Variants in SPTSSB observed in about 807,000 individuals in gnomAD.
The protein encoded by SPTSSB is serine palmitoyltransferase small subunit B, also known as androgen down regulated in mouse prostate.
Under a neutral mutation model 7.7 loss-of-function variants are expected in SPTSSB, and 6 were observed. The observed-to-expected ratio is 0.78, with a 90% CI of 0.43 to 1.54. The LOEUF is 1.54. SPTSSB is among the 40% of genes most tolerant of loss of function. The pLI, the probability that SPTSSB is intolerant of heterozygous loss-of-function variation, is 0.01. For synonymous variants in SPTSSB, 28 were observed against 29.7 expected (o/e 0.94, Z 0.19); for missense variants, 91 against 93.0 (o/e 0.98, Z 0.09).
At chr3:161,368,749 C>A (rs963810801) in intron 1 of SPTSSB, among the ~76,000 whole-genome samples, 2 of 152,196 alleles carry the variant, frequency 1.3e-5, no homozygotes, top group African/African-American at 4.8e-5. Flanking sequence ...TCTACTGCAG[C>A]CTCAGGAAAC....
At chr3:161,369,012 T>A (rs1179977844) in intron 1 of SPTSSB, among the ~76,000 whole-genome samples, 1 of 152,230 alleles carries the variant, frequency 6.6e-6, no homozygotes, top group African/African-American at 2.4e-5. Flanking sequence ...TTATGAGTAA[T>A]GCCACTATGA....
At chr3:161,366,347 C>A (rs900029475) in intron 1 of SPTSSB, among the ~76,000 whole-genome samples, 4 of 152,132 alleles carry the variant, frequency 2.6e-5, no homozygotes, top group Non-Finnish European at 5.9e-5. Flanking sequence ...TGGGTTCTGT[C>A]TTCCTTATGC....
chr3:161,369,384 C>G (rs867137784), intron 1 of SPTSSB, among the ~76,000 whole-genome samples: 3 of 38,632 alleles, frequency 7.8e-5, no homozygotes, highest in African/African-American at 3.9e-4. Context: ...CTCTTTCTTT[C>G]CTTTTTTTTT....
intron 1 of SPTSSB, among the ~76,000 whole-genome samples, chr3:161,364,521 A>G (rs1470828103): frequency 6.6e-6 from 1 of 152,112 alleles, no homozygotes; most frequent in Admixed American, 6.5e-5. Flanking sequence ...TTTAGTTGGT[A>G]ATAGATAACT....
At chr3:161,356,486 A>G (rs181102731) in intron 2 of SPTSSB, among the ~76,000 whole-genome samples, 1 of 152,348 alleles carries the variant, frequency 6.6e-6, no homozygotes, top group African/African-American at 2.4e-5. Flanking sequence ...GAGTTCTGCC[A>G]AAGCAAATCT....
intron 2 of SPTSSB, among the ~76,000 whole-genome samples, chr3:161,358,160 C>T (rs528792038): frequency 6.7e-5 from 10 of 150,340 alleles, no homozygotes; most frequent in East Asian, 2.0e-4. Flanking sequence ...GGAATATAGG[C>T]GTGCACCACT....
At chr3:161,361,136 T>C (rs1714997669) in intron 1 of SPTSSB, among the ~76,000 whole-genome samples, 1 of 152,102 alleles carries the variant, frequency 6.6e-6, no homozygotes, top group Non-Finnish European at 1.5e-5. Context: ...GAATGTGTCA[T>C]GGAAGTCTTA....
At chr3:161,352,610 C>T (rs539849461) in intron 2 of SPTSSB, among the ~76,000 whole-genome samples, 119 of 152,202 alleles carry the variant, frequency 7.8e-4, no homozygotes, top group African/African-American at 2.6e-3. Context: ...GCTGACTGAC[C>T]GATTCAGTTG....
At position 161,346,307 on chromosome 3, in the gene SPTSSB, A is replaced by G. The variant is rs769123363; in HGVS notation, c.17T>C (p.Val6Ala). 6.2e-7 allele frequency: 1 copy of G among 1,612,384 alleles called. No homozygotes were observed. Among genetic ancestry groups the G allele is most frequent in the Non-Finnish European group, 8.5e-7 (1 of 1,178,552 alleles). MDLRR[V>A]KEYFSWLYYQ... Reference sequence around the variant, plus strand: ...GTAGAGCCAGGAGAAATATTCCTTCACACGCCTCAAATCCATGGTTGGCTC... The same window carrying G: ...GTAGAGCCAGGAGAAATATTCCTTCGCACGCCTCAAATCCATGGTTGGCTC... Residue 6 changes from valine to alanine, a missense_variant, in exon 3 of 3, where the codon GTG (valine) becomes GCG (alanine). Val to Ala is a moderately conservative substitution (Grantham distance 64). Coordinates refer to ENST00000620149, the MANE Select transcript of SPTSSB (RefSeq NM_001040100.2).
chr3:161,369,594 T>A (rs1715418455), intron 1 of SPTSSB, among the ~76,000 whole-genome samples: 1 of 151,966 alleles, frequency 6.6e-6, no homozygotes. Flanking sequence ...GTGTTCTTGT[T>A]GTTGAGTTCT....
At chr3:161,357,572 C>T (rs114528427) in intron 2 of SPTSSB, among the ~76,000 whole-genome samples, 2,494 of 152,276 alleles carry the variant, frequency 0.016, 25 homozygotes, top group Non-Finnish European at 0.026. Context: ...GGATATTAGC[C>T]GCCCAAAACC....
intron 1 of SPTSSB, among the ~76,000 whole-genome samples, chr3:161,369,285 C>CTTTCT (rs1560108876): frequency 3.9e-4 from 41 of 103,824 alleles, no homozygotes; most frequent in East Asian, 1.0e-3. Flanking sequence ...TTCTTTCTTT[C>CTTTCT]TTTTCTTTCT....
chr3:161,369,299 T>TTTCC (rs1715371392), intron 1 of SPTSSB, among the ~76,000 whole-genome samples: 1 of 64,980 alleles, frequency 1.5e-5, no homozygotes, highest in African/African-American at 1.1e-4. Flanking sequence ...TCTTTCTTTC[T>TTTCC]TTCTTTCTTT....
At chr3:161,349,416 G>A (rs749898769) in intron 2 of SPTSSB, among the ~76,000 whole-genome samples, 13 of 152,220 alleles carry the variant, frequency 8.5e-5, no homozygotes, top group African/African-American at 1.2e-4. Context: ...ACAGTGAAAT[G>A]TGATATTAAT....
chr3:161,344,968 A>AG lies in SPTSSB; in HGVS notation c.*1124dup, dbSNP rs1199084860. On this transcript the variant is annotated 3_prime_UTR_variant, in exon 3 of 3. Coordinates refer to ENST00000620149, the MANE Select transcript of SPTSSB (RefSeq NM_001040100.2). ...AAAAATTTTTTTCATAACACAAACA[A>AG]GGGTGCAAATATTGTCCAAACCTAT... The AG allele has an allele frequency of 1.3e-5, 2 of 152,734 alleles. No homozygotes were observed. Among genetic ancestry groups the AG allele is most frequent in the East Asian group, 3.9e-4 (2 of 5,190 alleles). The allele number at this position is 152,734 out of a possible 1,614,324, so 9.5% of individuals were successfully genotyped here. A position where few individuals can be genotyped will look rare whatever the true frequency, so the allele number is the denominator to read the frequency against.
intron 2 of SPTSSB, among the ~76,000 whole-genome samples, chr3:161,351,513 C>T (rs1423786194): frequency 6.6e-6 from 1 of 152,026 alleles, no homozygotes; most frequent in Non-Finnish European, 1.5e-5. Context: ...AAGAGACTGG[C>T]TTTTAAAATT....
intron 2 of SPTSSB, among the ~76,000 whole-genome samples, chr3:161,357,365 A>C (rs926346484): frequency 2.6e-5 from 4 of 152,182 alleles, no homozygotes; most frequent in Admixed American, 6.5e-5. Flanking sequence ...AATAGTGTGG[A>C]TATATTACTG....
chr3:161,368,070 CAT>C (rs1715292167), intron 1 of SPTSSB, among the ~76,000 whole-genome samples: 1 of 152,176 alleles, frequency 6.6e-6, no homozygotes, highest in Admixed American at 6.5e-5. Context: ...GGCATGTAAA[CAT>C]ATGTGAATCA....
intron 2 of SPTSSB, among the ~76,000 whole-genome samples, chr3:161,349,951 G>T (rs994526531): frequency 6.6e-6 from 1 of 152,204 alleles, no homozygotes; most frequent in Non-Finnish European, 1.5e-5. Context: ...TCCTCTCTCA[G>T]ATAGAGAGGG....
Sources: allele counts gnomAD v4.1 joint callset (sites outside exome capture counted in the v4.1 genomes callset), GRCh38; gene constraint gnomAD v4.1.1; transcripts MANE v1.5; gene names NCBI Gene and HGNC (gene_info 2026-07-23, HGNC 2026-07-21).